Variants in IGF2R observed in about 807,000 individuals in gnomAD.
The protein encoded by IGF2R is insulin like growth factor 2 receptor.
IGF2R carries 91 observed loss-of-function variants against 270.6 expected under a neutral mutation model. That is an observed-to-expected ratio of 0.34 (90% CI 0.28 to 0.40). IGF2R has a LOEUF of 0.40. Among genes scored for constraint, IGF2R ranks in the 10% least tolerant of loss-of-function variants. The pLI, the probability that IGF2R is intolerant of heterozygous loss-of-function variation, is 1.00. For missense variants in IGF2R, 2,805 were observed against 3,188.3 expected, an observed-to-expected ratio of 0.88 and a Z score of 2.90; for synonymous variants, 1,316 against 1,258.9, an observed-to-expected ratio of 1.05 and a Z score of -0.96.
At chr6:160,063,211 G>A (rs1778479854) in intron 26 of IGF2R, among the ~76,000 whole-genome samples, 1 of 151,828 alleles carries the variant, frequency 6.6e-6, no homozygotes, top group Non-Finnish European at 1.5e-5. Context: ...GCTAATTTTT[G>A]TATTTTTAGT....
At position 160,107,780 on chromosome 6, in the gene IGF2R, A is replaced by T. The variant is rs951217554; in HGVS notation, c.*2696A>T. ...TTCACCAACCCTAAAATAATACGTAACACGAGATGATTCCTCAGGAAGGAA... is the reference window on the plus strand; with the variant it reads ...TTCACCAACCCTAAAATAATACGTATCACGAGATGATTCCTCAGGAAGGAA... On this transcript the variant is annotated 3_prime_UTR_variant, in exon 48 of 48. Coordinates refer to ENST00000356956, the MANE Select transcript of IGF2R (RefSeq NM_000876.4). 2.0e-5 allele frequency: 3 copies of T among 152,252 alleles called. No homozygotes were observed. Among genetic ancestry groups the T allele is most frequent in the Non-Finnish European group, 2.9e-5 (2 of 68,044 alleles). The allele number at this position is 152,252 out of a possible 1,614,324, so 9.4% of individuals were successfully genotyped here.
At chr6:159,994,815 A>G (rs1165295051) in intron 2 of IGF2R, among the ~76,000 whole-genome samples, 1 of 152,182 alleles carries the variant, frequency 6.6e-6, no homozygotes, top group Non-Finnish European at 1.5e-5. Flanking sequence ...GATAGTTGAT[A>G]TGATTTCAGT....
At chr6:160,030,381 C>T (rs1423194003) in intron 7 of IGF2R, among the ~76,000 whole-genome samples, 2 of 152,146 alleles carry the variant, frequency 1.3e-5, no homozygotes, top group African/African-American at 2.4e-5. Context: ...AACCACACTC[C>T]CCTTCCCCCA....
rs758598640 is a variant in IGF2R, at chr6:160,071,903, G to A, written c.4444-7G>A. ...TCCCTTCAGGACCTGTCTGTGCTTT[G>A]TTGTAGAACTCCAGGCCCATGTTCA... On this transcript the variant is annotated splice_polypyrimidine_tract_variant and splice_region_variant and intron_variant, in intron 31 of 47. Transcript: ENST00000356956. The A allele has an allele frequency of 2.5e-6, 4 of 1,614,152 alleles. No homozygotes were observed. The Admixed American group carries it at 5.0e-5, about 20-fold the overall frequency.
intron 2 of IGF2R, among the ~76,000 whole-genome samples, chr6:159,991,839 C>T (rs1215500134): frequency 1.3e-5 from 2 of 152,136 alleles, no homozygotes; most frequent in African/African-American, 2.4e-5. Flanking sequence ...GAGGTGCAGC[C>T]CCTTCTTTCC....
At position 160,064,399 on chromosome 6, in the gene IGF2R, A is replaced by T; in HGVS notation, c.3887-2A>T. On this transcript the variant is annotated splice_acceptor_variant, in intron 27 of 47. Transcript: ENST00000356956. LOFTEE classifies it high-confidence loss of function. ...CTTGTTTAATGTTCTCCTTCTTTAC[A>T]GGTCTCCTGACTCAGAAGCTAACTT... The T allele has an allele frequency of 6.2e-7, 1 of 1,614,194 alleles. No homozygotes were observed. The highest frequency in any genetic ancestry group is 8.5e-7 in the Non-Finnish European group (1 of 1,180,032).
At chr6:160,010,621 A>C in intron 3 of IGF2R, 66 bp from the exon 4 acceptor site, 1 of 1,039,938 alleles carries the variant, frequency 9.6e-7, no homozygotes, top group Admixed American at 1.8e-5. Context: ...CTGCATTCTC[A>C]TTTTAAAGAA....
chr6:159,971,640 T>C (rs1472600774), intron 1 of IGF2R, among the ~76,000 whole-genome samples: 2 of 152,158 alleles, frequency 1.3e-5, no homozygotes, highest in African/African-American at 4.8e-5. Flanking sequence ...GTGAACTTCC[T>C]GTCTGTTCCT....
At position 160,077,750 on chromosome 6, in the gene IGF2R, G is replaced by A. The variant is rs118055929; in HGVS notation, c.5317-451G>A. 7.9e-5 allele frequency among the ~76,000 whole-genome samples: 12 copies of A among 152,256 alleles called. No homozygotes were observed. In the East Asian group the frequency reaches 2.3e-3, roughly 29 times the overall value. On this transcript the variant is annotated intron_variant, in intron 36 of 47. Coordinates refer to ENST00000356956, the MANE Select transcript of IGF2R (RefSeq NM_000876.4). The stretch of plus-strand genomic sequence containing the variant: ...TTTTTGTTGCTGTTGAATGAGGGAG[G>A]GAATAAATAAAGTGATTCTACAATA...
intron 2 of IGF2R, chr6:160,007,377 C>T (rs1031843113): frequency 6.6e-6 from 1 of 152,244 alleles, no homozygotes; most frequent in East Asian, 1.9e-4. Flanking sequence ...CACCTCATGG[C>T]TGACACTTGG....
At chr6:160,091,672 C>T (rs555282853) in intron 44 of IGF2R, among the ~76,000 whole-genome samples, 9 of 152,364 alleles carry the variant, frequency 5.9e-5, no homozygotes, top group Admixed American at 3.3e-4. Context: ...CCTCACACTT[C>T]GGTGAATCCT....
At chr6:160,011,551 G>GTTTTTT (rs546686832) in intron 4 of IGF2R, among the ~76,000 whole-genome samples, 14 of 119,688 alleles carry the variant, frequency 1.2e-4, no homozygotes, top group Non-Finnish European at 1.9e-4. Context: ...CACATATTTC[G>GTTTTTT]TTTTTTTTTT....
At chr6:159,969,499 C>A in intron 1 of IGF2R, 104 bp downstream of exon 1, 1 of 884,266 alleles carries the variant, frequency 1.1e-6, no homozygotes, top group South Asian at 5.4e-5. Context: ...CTCCAAGTCG[C>A]CTCCGTTCCG....
intron 3 of IGF2R, among the ~76,000 whole-genome samples, chr6:160,009,853 C>A (rs1468091111): frequency 6.6e-6 from 1 of 152,160 alleles, no homozygotes; most frequent in African/African-American, 2.4e-5. Context: ...TTTAAAATAT[C>A]ATTTTAGAAT....
chr6:160,085,086 G>T lies in IGF2R; in HGVS notation c.6160G>T (p.Val2054Phe). 1 of 1,613,986 alleles carries T rather than the reference G, an allele frequency of 6.2e-7. No individual in the cohort carries two copies. The highest frequency in any genetic ancestry group is 2.2e-5 in the East Asian group (1 of 44,880). The change falls in exon 41 of 48, where the codon GTC becomes TTC. Residue 2054 changes from valine (V) to phenylalanine (F), a missense_variant. Physicochemically the swap from Val to Phe is conservative, Grantham distance 50. Around this residue, in one of 2 missense-constraint regions of IGF2R, gnomAD observed 1,851 missense variants for 2,207.2 expected, o/e 0.84. Transcript: ENST00000356956. ...SICRRTTTGD[V>F]QVLGLVHTQK... ...TTGCAGAAGGACCACAACTGGTGACGTCCAGGTCCTGGGACTCGTTCACAC... is the reference window on the plus strand; with the variant it reads ...TTGCAGAAGGACCACAACTGGTGACTTCCAGGTCCTGGGACTCGTTCACAC...
At chr6:160,096,312 A>T (rs1779356821) in intron 44 of IGF2R, 127 bp from the exon 45 acceptor site, 1 of 762,352 alleles carries the variant, frequency 1.3e-6, no homozygotes, top group Non-Finnish European at 2.2e-6. Context: ...TGCCTGTGGG[A>T]CGTGGGATGA....
At position 160,047,817 on chromosome 6, in the gene IGF2R, T is replaced by G; in HGVS notation, c.2255T>G (p.Phe752Cys). Residue 752 changes from phenylalanine (F) to cysteine (C), a missense_variant, in exon 17 of 48, where the codon TTC becomes TGC. Coordinates refer to ENST00000356956, the MANE Select transcript of IGF2R (RefSeq NM_000876.4). ...YQEEDNSTYN[F>C]RWYTSYACPE... ...GAAGAGGATAACTCCACCTACAACTTCCGGTGGTACACCAGCTATGCCTGC... is the reference window on the plus strand; with the variant it reads ...GAAGAGGATAACTCCACCTACAACTGCCGGTGGTACACCAGCTATGCCTGC... The G allele has an allele frequency of 1.2e-6, 2 of 1,613,752 alleles. No homozygotes were observed. Among genetic ancestry groups the G allele is most frequent in the East Asian group, 2.2e-5 (1 of 44,882 alleles).
At chr6:159,987,289 C>T (rs1783902777) in intron 1 of IGF2R, among the ~76,000 whole-genome samples, 1 of 152,094 alleles carries the variant, frequency 6.6e-6, no homozygotes, top group Admixed American at 6.5e-5. Context: ...GGGTGCATAC[C>T]AGAGTACATA....
chr6:160,025,455 A>T (rs1777539440), intron 5 of IGF2R, among the ~76,000 whole-genome samples: 1 of 152,258 alleles, frequency 6.6e-6, no homozygotes, highest in African/African-American at 2.4e-5. Flanking sequence ...CAAATAGTAC[A>T]TAATGCTTTG....
Sources: allele counts gnomAD v4.1 joint callset (sites outside exome capture counted in the v4.1 genomes callset), GRCh38; gene constraint gnomAD v4.1.1; regional missense constraint gnomAD v4.1.1; transcripts MANE v1.5; gene names NCBI Gene and HGNC (gene_info 2026-07-23, HGNC 2026-07-21).